ATXN7: variants seen among roughly 807,000 people sequenced by gnomAD.
ATXN7 encodes ataxin 7.
ATXN7 carries 12 observed loss-of-function variants against 70.5 expected under a neutral mutation model. That is an observed-to-expected ratio of 0.17 (90% CI 0.11 to 0.28). The LOEUF (loss-of-function observed/expected upper bound fraction) is 0.28, where lower values mean the gene tolerates loss of function less well. Ranked by LOEUF, ATXN7 falls within the 10% of genes least tolerant of loss-of-function variation. ATXN7 has a pLI of 1.00. For missense variants in ATXN7, 1,256 were observed against 1,131.7 expected (o/e 1.11, Z -1.58); for synonymous variants, 498 against 448.7 (o/e 1.11, Z -1.39).
At position 63,990,410 on chromosome 3, in the gene ATXN7, C is replaced by G. The variant is rs368972188; in HGVS notation, c.1560+36C>G. Reference sequence around the variant, plus strand: ...CGTCCACCCCCGCGTTGACCCTCCCCACACAGCATGGACAGGGCACTGCAG... The same window carrying G: ...CGTCCACCCCCGCGTTGACCCTCCCGACACAGCATGGACAGGGCACTGCAG... On this transcript the variant is annotated intron_variant, in intron 10 of 12. Coordinates refer to ENST00000674280, the MANE Select transcript of ATXN7 (RefSeq NM_001377405.1). 5.6e-6 allele frequency: 9 copies of G among 1,611,266 alleles called. No individual in the cohort carries two copies. The African/African-American group carries it at 6.7e-5, about 12-fold the overall frequency.
chr3:63,913,232 C>A lies in ATXN7; in HGVS notation c.394+7C>A. On this transcript the variant is annotated splice_region_variant and intron_variant, in intron 4 of 12. Coordinates refer to ENST00000674280, the MANE Select transcript of ATXN7 (RefSeq NM_001377405.1). ...ATGGGGCTCTGTCGGGAAGGTGAGT[C>A]CAGCCCCCCTGATGGAGTTTGTACA... 6.2e-7 allele frequency: 1 copy of A among 1,613,272 alleles called. No individual in the cohort carries two copies. The highest frequency in any genetic ancestry group is 8.5e-7 in the Non-Finnish European group (1 of 1,179,456).
chr3:63,962,737 C>T (rs1170052372), intron 5 of ATXN7, among the ~76,000 whole-genome samples: 1 of 151,838 alleles, frequency 6.6e-6, no homozygotes, highest in Non-Finnish European at 1.5e-5. Context: ...TTGTAGTGAG[C>T]TTTAGAGAGT....
intron 4 of ATXN7, among the ~76,000 whole-genome samples, chr3:63,920,521 T>C (rs2107317225): frequency 6.6e-6 from 1 of 152,312 alleles, no homozygotes; most frequent in South Asian, 2.1e-4. Flanking sequence ...TTCATGAGCT[T>C]GAGCAGGTCA....
intron 1 of ATXN7, among the ~76,000 whole-genome samples, chr3:63,887,470 G>A (rs1308287262): frequency 2.0e-5 from 3 of 152,164 alleles, no homozygotes; most frequent in Non-Finnish European, 4.4e-5. Context: ...TGGAAATTAC[G>A]TATAAACATA....
chr3:63,960,565 A>C (rs1437391521), intron 5 of ATXN7, among the ~76,000 whole-genome samples: 3 of 152,134 alleles, frequency 2.0e-5, no homozygotes, highest in Non-Finnish European at 4.4e-5. Flanking sequence ...AGAAGTGTGA[A>C]CAGAATTAAA....
At chr3:63,962,276 C>G (rs2075144149) in intron 5 of ATXN7, among the ~76,000 whole-genome samples, 2 of 152,166 alleles carry the variant, frequency 1.3e-5, no homozygotes, top group South Asian at 4.1e-4. Flanking sequence ...AAATAAAATA[C>G]AAATAGCCCC....
chr3:63,966,853 GA>G (rs1281797117), intron 5 of ATXN7, among the ~76,000 whole-genome samples: 2 of 152,156 alleles, frequency 1.3e-5, no homozygotes, highest in African/African-American at 4.8e-5. Flanking sequence ...TGCTTCTTTT[GA>G]CATTTAAAAG....
At chr3:63,868,177 C>T (rs187848559) in intron 1 of ATXN7, among the ~76,000 whole-genome samples, 3 of 152,296 alleles carry the variant, frequency 2.0e-5, no homozygotes, top group Admixed American at 2.0e-4. Flanking sequence ...TGAAATTTGA[C>T]TCAAAGGGAA....
intron 4 of ATXN7, among the ~76,000 whole-genome samples, chr3:63,943,263 G>A (rs904502444): frequency 2.0e-5 from 3 of 152,228 alleles, no homozygotes; most frequent in South Asian, 2.1e-4. Context: ...ATGCCAAAGC[G>A]GAGAGTTCGA....
intron 4 of ATXN7, among the ~76,000 whole-genome samples, chr3:63,944,782 T>G (rs938108237): frequency 1.3e-5 from 2 of 151,734 alleles, no homozygotes; most frequent in Admixed American, 6.6e-5. Context: ...TAGTTTTTGG[T>G]TTTTGTTTTT....
intron 1 of ATXN7, among the ~76,000 whole-genome samples, chr3:63,885,980 A>G (rs115593869): frequency 9.2e-5 from 14 of 152,256 alleles, no homozygotes; most frequent in Non-Finnish European, 1.8e-4. Context: ...TCACGCCACT[A>G]TACTCCAGAG....
At chr3:63,932,432 T>A (rs1478822371) in intron 4 of ATXN7, among the ~76,000 whole-genome samples, 1 of 152,214 alleles carries the variant, frequency 6.6e-6, no homozygotes, top group Non-Finnish European at 1.5e-5. Flanking sequence ...GAACTGAAGT[T>A]ATTTGTAAAT....
At chr3:63,863,764 G>A (rs932654005), upstream of ATXN7, 4 of 1,252,510 alleles carry the variant, frequency 3.2e-6, no homozygotes, top group African/African-American at 1.6e-5. Context: ...CGGCGAGCGG[G>A]GCCTCACCGT....
chr3:63,957,858 A>G (rs571983429), intron 5 of ATXN7, among the ~76,000 whole-genome samples: 3 of 152,378 alleles, frequency 2.0e-5, no homozygotes, highest in African/African-American at 7.2e-5. Flanking sequence ...TTAAAGAGCT[A>G]TCTACTGAGG....
chr3:63,984,920 C>G (rs1396547046), intron 8 of ATXN7, among the ~76,000 whole-genome samples: 2 of 152,190 alleles, frequency 1.3e-5, no homozygotes, highest in African/African-American at 2.4e-5. Context: ...AGTATAATGT[C>G]TTCAAGCTTA....
At chr3:63,879,240 C>T (rs1008475944) in intron 1 of ATXN7, among the ~76,000 whole-genome samples, 5 of 152,008 alleles carry the variant, frequency 3.3e-5, no homozygotes, top group African/African-American at 1.2e-4. Flanking sequence ...ATTAAATATT[C>T]AAAGAGAGAA....
chr3:63,929,168 A>G (rs955551281), intron 4 of ATXN7, among the ~76,000 whole-genome samples: 1 of 152,326 alleles, frequency 6.6e-6, no homozygotes, highest in African/African-American at 2.4e-5. Context: ...GACAATGTCT[A>G]CATCTGAGAA....
chr3:63,927,977 G>A (rs66490742), intron 4 of ATXN7, among the ~76,000 whole-genome samples: 17,982 of 152,208 alleles, frequency 0.12, 1,138 homozygotes, highest in Middle Eastern at 0.17. Flanking sequence ...AATCTGTGTT[G>A]TGTGAGTTTA....
At chr3:63,881,682 G>C (rs867074259) in intron 1 of ATXN7, among the ~76,000 whole-genome samples, 2 of 152,096 alleles carry the variant, frequency 1.3e-5, no homozygotes, top group South Asian at 2.1e-4. Flanking sequence ...TAGAGACAGG[G>C]TTTCACCATG....
Sources: allele counts gnomAD v4.1 joint callset (sites outside exome capture counted in the v4.1 genomes callset), GRCh38; gene constraint gnomAD v4.1.1; transcripts MANE v1.5; gene names NCBI Gene and HGNC (gene_info 2026-07-23, HGNC 2026-07-21).